NXPH2: variants seen among roughly 807,000 people sequenced by gnomAD.
NXPH2 encodes the protein neurexophilin 2.
A neutral mutation model predicts 19.8 loss-of-function variants in NXPH2; 5 were observed. That is an observed-to-expected ratio of 0.25 (90% CI 0.13 to 0.53). The LOEUF (loss-of-function observed/expected upper bound fraction) is 0.53, where lower values mean the gene tolerates loss of function less well. NXPH2 is among the 20% of genes least tolerant of loss of function. The pLI, the probability that NXPH2 is intolerant of heterozygous loss-of-function variation, is 0.96. For synonymous variants in NXPH2, 154 were observed against 127.4 expected (o/e 1.21, Z -1.41); for missense variants, 289 against 322.8 (o/e 0.90, Z 0.80).
chr2:138,677,864 A>G (rs572234777), intron 1 of NXPH2, among the ~76,000 whole-genome samples: 2 of 152,352 alleles, frequency 1.3e-5, no homozygotes, highest in South Asian at 4.1e-4. Context: ...TGCATAATAC[A>G]GAGTTCCCAT....
At chr2:138,737,023 T>C (rs1251780876) in intron 1 of NXPH2, among the ~76,000 whole-genome samples, 2 of 152,206 alleles carry the variant, frequency 1.3e-5, no homozygotes, top group Admixed American at 6.5e-5. Flanking sequence ...ATTTTGGGCA[T>C]AGCCATTCAA....
intron 1 of NXPH2, among the ~76,000 whole-genome samples, chr2:138,772,833 A>G (rs1682200800): frequency 6.6e-6 from 1 of 152,172 alleles, no homozygotes. Context: ...GGATGATTCG[A>G]ATTTACAATC....
rs1033016535 is a variant in NXPH2 at position 138,768,136 on chromosome 2, T to C, written c.51+12055A>G. Among the ~76,000 whole-genome samples the C allele has an allele frequency of 6.6e-5, 10 of 152,336 alleles. No homozygotes were observed. The East Asian group carries it at 1.5e-3, about 24-fold the overall frequency. On this transcript the variant is annotated intron_variant, in intron 1 of 1. Transcript: ENST00000272641. ...TTTTTGACTCTCTGAGAATACTAAT[T>C]GGGCATTTTAAAAATTATAATTAGT...
chr2:138,715,691 C>T (rs545697632), intron 1 of NXPH2, among the ~76,000 whole-genome samples: 18 of 152,252 alleles, frequency 1.2e-4, no homozygotes, highest in South Asian at 4.2e-4. Flanking sequence ...CTTATTCTGG[C>T]GGTAGAGGGC....
chr2:138,688,218 C>T (rs552973636), intron 1 of NXPH2, among the ~76,000 whole-genome samples: 1 of 152,196 alleles, frequency 6.6e-6, no homozygotes, highest in Non-Finnish European at 1.5e-5. Flanking sequence ...GAGTCTTGCT[C>T]TGTTGCCCAG....
chr2:138,692,324 C>T lies in NXPH2; in HGVS notation c.52-20659G>A, dbSNP rs537469562. 2.6e-5 allele frequency among the ~76,000 whole-genome samples: 4 copies of T among 152,280 alleles called. No homozygotes were observed. In the East Asian group the frequency reaches 5.8e-4, roughly 22 times the overall value. ...ACAAGATATGAAGGTCATGTTTATA[C>T]CAGCGAAACATCAATGCTTGTTTAT... is the stretch of plus-strand genomic sequence containing the variant. On this transcript the variant is annotated intron_variant, in intron 1 of 1. Transcript: ENST00000272641.
intron 1 of NXPH2, among the ~76,000 whole-genome samples, chr2:138,748,859 T>C (rs1681783412): frequency 2.0e-5 from 3 of 152,074 alleles, no homozygotes; most frequent in Non-Finnish European, 2.9e-5. Flanking sequence ...AATTATGCAT[T>C]GTGATCAGCA....
intron 1 of NXPH2, among the ~76,000 whole-genome samples, chr2:138,742,410 G>GA (rs1558927087): frequency 2.0e-5 from 3 of 152,278 alleles, no homozygotes; most frequent in Admixed American, 6.5e-5. Context: ...AGCGTATTTA[G>GA]AAAAAATAGA....
chr2:138,713,489 A>G (rs931690582), intron 1 of NXPH2, among the ~76,000 whole-genome samples: 3 of 152,226 alleles, frequency 2.0e-5, no homozygotes, highest in Non-Finnish European at 4.4e-5. Context: ...TCATCTCCTG[A>G]TTTCAGTGAG....
rs1017083851 is a variant in NXPH2 at position 138,767,691 on chromosome 2, C to G, written c.51+12500G>C. 1.2e-4 allele frequency among the ~76,000 whole-genome samples: 18 copies of G among 152,042 alleles called. 1 individual carries two copies. Among genetic ancestry groups the G allele is most frequent in the Admixed American group, 5.9e-4 (9 of 15,276 alleles). ...ATAAAACGTTTTTTTCCTAAGTAATCTATCTTGTTTTTCTGAAAGCTTTTA... is the reference window on the plus strand; with the variant it reads ...ATAAAACGTTTTTTTCCTAAGTAATGTATCTTGTTTTTCTGAAAGCTTTTA... On this transcript the variant is annotated intron_variant, in intron 1 of 1. Transcript: ENST00000272641.
intron 1 of NXPH2, among the ~76,000 whole-genome samples, chr2:138,776,337 T>C (rs1165096968): frequency 6.6e-6 from 1 of 152,038 alleles, no homozygotes; most frequent in Non-Finnish European, 1.5e-5. Flanking sequence ...GAACAAAGAT[T>C]AAGAAAGCTT....
chr2:138,768,645 C>T (rs1042850731), intron 1 of NXPH2, among the ~76,000 whole-genome samples: 6 of 152,142 alleles, frequency 3.9e-5, no homozygotes, highest in African/African-American at 1.2e-4. Context: ...TGGTTCATAC[C>T]CTTTCTGTGA....
chr2:138,743,567 C>G (rs1344278923), intron 1 of NXPH2, among the ~76,000 whole-genome samples: 3 of 152,084 alleles, frequency 2.0e-5, no homozygotes, highest in Non-Finnish European at 4.4e-5. Context: ...TATGGGGTTT[C>G]TTTTTGGGAG....
chr2:138,676,737 A>G (rs988723177), intron 1 of NXPH2, among the ~76,000 whole-genome samples: 1 of 152,182 alleles, frequency 6.6e-6, no homozygotes, highest in Admixed American at 6.5e-5. Flanking sequence ...CTCCTACTCA[A>G]GAAGTGTCTC....
rs151136285 is a variant in NXPH2 at position 138,714,629 on chromosome 2, TA to T, written c.52-42965del. On this transcript the variant is annotated intron_variant, in intron 1 of 1. Coordinates refer to ENST00000272641, the MANE Select transcript of NXPH2 (RefSeq NM_007226.3). ...ACACACACTTCTATTACTGGTCTGA[TA>T]AAAAAAAATCCAAGAAAAAAGGTAC... 5.9e-4 allele frequency among the ~76,000 whole-genome samples: 89 copies of T among 151,646 alleles called. 1 individual carries two copies. The highest frequency in any genetic ancestry group is 1.8e-3 in the African/African-American group (74 of 41,354).
At chr2:138,759,796 C>T (rs1449800132) in intron 1 of NXPH2, among the ~76,000 whole-genome samples, 6 of 144,634 alleles carry the variant, frequency 4.1e-5, no homozygotes, top group African/African-American at 1.6e-4. Context: ...GTAGCGCAAT[C>T]TCGGCTCACT....
intron 1 of NXPH2, among the ~76,000 whole-genome samples, chr2:138,775,520 G>A (rs1682247473): frequency 6.6e-6 from 1 of 152,030 alleles, no homozygotes; most frequent in African/African-American, 2.4e-5. Flanking sequence ...TTATAAAAGG[G>A]CACCTGATTT....
chr2:138,720,407 G>A (rs943031933), intron 1 of NXPH2, among the ~76,000 whole-genome samples: 2 of 152,310 alleles, frequency 1.3e-5, no homozygotes, highest in Middle Eastern at 3.4e-3. Context: ...AACAAACTTC[G>A]GTGAAGAGCA....
In NXPH2 at chr2:138,671,111, C is replaced by G; in HGVS notation, c.606G>C (p.Leu202=). 6.2e-7 allele frequency: 1 copy of G among 1,613,928 alleles called. No homozygotes were observed. ...AGATCTTGGATGGGTCAAAGTTGCA[C>G]AGGGCGGTCTTTTTCGCCCGATCTG... ...EKTDRAKKTA[L]CNFDPSKICY... Residue 202 remains leucine (L), a synonymous_variant, in exon 2 of 2, where the codon CTG becomes CTC. Transcript: ENST00000272641.
Sources: allele counts gnomAD v4.1 joint callset (sites outside exome capture counted in the v4.1 genomes callset), GRCh38; gene constraint gnomAD v4.1.1; transcripts MANE v1.5; gene names NCBI Gene and HGNC (gene_info 2026-07-23, HGNC 2026-07-21).